CACNA2D3: variants seen among roughly 807,000 people sequenced by gnomAD.
CACNA2D3 encodes calcium voltage-gated channel auxiliary subunit alpha2delta 3, also known as voltage-dependent calcium channel subunit alpha-2/delta-3.
CACNA2D3 carries 60 observed loss-of-function variants against 160.6 expected under a neutral mutation model. That is an observed-to-expected ratio of 0.37 (90% CI 0.30 to 0.46). The LOEUF is 0.46. Among genes scored for constraint, CACNA2D3 ranks in the 20% least tolerant of loss-of-function variants. The pLI, the probability that CACNA2D3 is intolerant of heterozygous loss-of-function variation, is 1.00. For missense variants in CACNA2D3, 1,205 were observed against 1,365.0 expected (o/e 0.88, Z 1.85); for synonymous variants, 558 against 492.9 (o/e 1.13, Z -1.75).
At chr3:54,206,967 A>G (rs1015351750) in intron 2 of CACNA2D3, among the ~76,000 whole-genome samples, 2 of 152,286 alleles carry the variant, frequency 1.3e-5, no homozygotes, top group South Asian at 2.1e-4. Context: ...ATTCTTCCCT[A>G]GGGACTTCCT....
chr3:54,580,605 A>C (rs1195863723), intron 8 of CACNA2D3, among the ~76,000 whole-genome samples: 2 of 152,162 alleles, frequency 1.3e-5, no homozygotes, highest in Admixed American at 6.5e-5. Flanking sequence ...CGCTGTCATC[A>C]ATCAAATGGT....
intron 2 of CACNA2D3, among the ~76,000 whole-genome samples, chr3:54,156,735 A>C (rs920230123): frequency 1.3e-5 from 2 of 152,176 alleles, no homozygotes; most frequent in South Asian, 4.1e-4. Context: ...CGTTAGCACT[A>C]ACTGCTAGCC....
intron 2 of CACNA2D3, among the ~76,000 whole-genome samples, chr3:54,151,957 CT>C (rs1209058718): frequency 3.3e-5 from 5 of 152,334 alleles, no homozygotes; most frequent in African/African-American, 1.2e-4. Flanking sequence ...TTTCAAGCAC[CT>C]TTGCAGGTCC....
intron 4 of CACNA2D3, among the ~76,000 whole-genome samples, chr3:54,493,019 TATAA>T (rs374106341): frequency 4.6e-5 from 7 of 150,774 alleles, no homozygotes; most frequent in East Asian, 2.0e-4. Context: ...ACATATGAGT[TATAA>T]ATAAATAAAT....
intron 2 of CACNA2D3, among the ~76,000 whole-genome samples, chr3:54,124,900 C>T (rs1211256738): frequency 6.6e-6 from 1 of 152,066 alleles, no homozygotes; most frequent in African/African-American, 2.4e-5. Flanking sequence ...ACCTGTGGCC[C>T]ACCTCGGCAC....
intron 13 of CACNA2D3, among the ~76,000 whole-genome samples, chr3:54,786,767 C>T (rs546309536): frequency 5.4e-4 from 82 of 152,234 alleles, no homozygotes; most frequent in African/African-American, 1.9e-3. Context: ...TAAAAAAACA[C>T]ACAACTGATT....
intron 13 of CACNA2D3, among the ~76,000 whole-genome samples, chr3:54,801,814 T>C (rs768729727): frequency 4.2e-4 from 64 of 152,042 alleles, no homozygotes; most frequent in Middle Eastern, 6.8e-3. Context: ...AAAAAAAAAA[T>C]TGAAGTCCCA....
At chr3:55,069,535 G>C (rs535045848) in intron 35 of CACNA2D3, among the ~76,000 whole-genome samples, 1 of 151,908 alleles carries the variant, frequency 6.6e-6, no homozygotes, top group South Asian at 2.1e-4. Context: ...AATATTTTTC[G>C]TTGGTTATTG....
At chr3:54,890,967 CA>C (rs1279490019) in intron 24 of CACNA2D3, among the ~76,000 whole-genome samples, 2 of 152,144 alleles carry the variant, frequency 1.3e-5, no homozygotes, top group Non-Finnish European at 2.9e-5. Flanking sequence ...AGCTTTAATG[CA>C]AAAAGCGAGT....
chr3:54,479,217 T>C (rs1559493481), intron 4 of CACNA2D3, among the ~76,000 whole-genome samples: 1 of 152,134 alleles, frequency 6.6e-6, no homozygotes, highest in Non-Finnish European at 1.5e-5. Flanking sequence ...ACATGTTTGC[T>C]TCCCCTTCCA....
Position 54,276,202 on chromosome 3 carries a change from G to A in CACNA2D3, c.205-44240G>A, listed in dbSNP as rs1702735079. The stretch of plus-strand genomic sequence containing the variant: ...TCTCCCACTGCCCCCTTGTTGAGGA[G>A]TGAACAGTCAGCAGGGTTCACACTG... On this transcript the variant is annotated intron_variant, in intron 2 of 37. Coordinates refer to ENST00000474759, the MANE Select transcript of CACNA2D3 (RefSeq NM_018398.3). 1.3e-5 allele frequency among the ~76,000 whole-genome samples: 2 copies of A among 152,130 alleles called. 1 individual carries two copies. The highest frequency in any genetic ancestry group is 4.1e-4 in the South Asian group (2 of 4,824).
chr3:54,879,722 G>A (rs764722963), intron 20 of CACNA2D3, among the ~76,000 whole-genome samples: 1 of 152,164 alleles, frequency 6.6e-6, no homozygotes, highest in African/African-American at 2.4e-5. Flanking sequence ...CTTAACTATT[G>A]AACTTGCTGC....
intron 3 of CACNA2D3, among the ~76,000 whole-genome samples, chr3:54,380,640 A>G (rs1291169037): frequency 6.6e-6 from 1 of 152,188 alleles, no homozygotes; most frequent in East Asian, 1.9e-4. Flanking sequence ...CGGGAGGCCG[A>G]GGCAGGAGAA....
intron 2 of CACNA2D3, among the ~76,000 whole-genome samples, chr3:54,249,259 T>C (rs1702136437): frequency 6.6e-6 from 1 of 152,136 alleles, no homozygotes; most frequent in African/African-American, 2.4e-5. Context: ...CTTGAGATGG[T>C]TAACTTTATA....
intron 2 of CACNA2D3, among the ~76,000 whole-genome samples, chr3:54,305,703 G>A (rs748689185): frequency 2.0e-5 from 3 of 152,184 alleles, no homozygotes; most frequent in African/African-American, 7.2e-5. Context: ...GTGCACAGAG[G>A]TGCTGAACCT....
At chr3:54,330,210 ATGTGTGTGTGTGTGTGTGTGTG>A (rs10591706) in intron 3 of CACNA2D3, among the ~76,000 whole-genome samples, 1 of 146,596 alleles carries the variant, frequency 6.8e-6, no homozygotes, top group South Asian at 2.2e-4. Flanking sequence ...TTTAATTGAT[ATGTGTGTGTGTGTGTGTGTGTG>A]TGTGTGTGTG....
At chr3:54,272,650 G>A (rs1456379366) in intron 2 of CACNA2D3, 1 of 152,050 alleles carries the variant, frequency 6.6e-6, no homozygotes, top group Non-Finnish European at 1.5e-5. Context: ...GGCTTCCCCC[G>A]AGAACTCTCC....
intron 13 of CACNA2D3, among the ~76,000 whole-genome samples, chr3:54,809,343 G>A (rs866491279): frequency 6.2e-5 from 4 of 64,874 alleles, no homozygotes; most frequent in Non-Finnish European, 1.0e-4. Flanking sequence ...ACGGAGTCTC[G>A]CTCTGTCGCC....
At chr3:54,577,539 A>G (rs913600182) in intron 8 of CACNA2D3, among the ~76,000 whole-genome samples, 1 of 151,994 alleles carries the variant, frequency 6.6e-6, no homozygotes, top group Non-Finnish European at 1.5e-5. Flanking sequence ...CACTGACATC[A>G]CCCTCTTCCT....
Sources: allele counts gnomAD v4.1 joint callset (sites outside exome capture counted in the v4.1 genomes callset), GRCh38; gene constraint gnomAD v4.1.1; transcripts MANE v1.5; gene names NCBI Gene and HGNC (gene_info 2026-07-23, HGNC 2026-07-21).